The following PVT1 variants were observed in gnomAD, a reference collection of about 807,000 sequenced individuals.
The protein encoded by PVT1 is CXCR4/PVT1 fusion.
chr8:128,035,697 A>G (rs1813454105), intron 4 of PVT1, among the ~76,000 whole-genome samples: 1 of 152,160 alleles, frequency 6.6e-6, no homozygotes, highest in Non-Finnish European at 1.5e-5. Flanking sequence ...GTGCTGAATT[A>G]CTCAGGTGGA....
chr8:127,884,468 T>C (rs1815502932), intron 2 of PVT1, among the ~76,000 whole-genome samples: 1 of 152,242 alleles, frequency 6.6e-6, no homozygotes, highest in African/African-American at 2.4e-5. Context: ...TGCACACATA[T>C]CTGTGCATTG....
rs533953309 is a variant in PVT1, at chr8:128,079,314, T to C, written n.1114+8953T>C. Among the ~76,000 whole-genome samples the C allele has an allele frequency of 6.6e-5, 10 of 152,340 alleles. No individual in the cohort carries two copies. In the East Asian group the frequency reaches 1.9e-3, roughly 29 times the overall value. Reference sequence around the variant, plus strand: ...GTATGTAAATTAATAGGCTGTTTATTTGAGCAGTTGTAGGCTTACAAAAAT... The same window carrying C: ...GTATGTAAATTAATAGGCTGTTTATCTGAGCAGTTGTAGGCTTACAAAAAT... On this transcript the variant is annotated intron_variant and non_coding_transcript_variant, in intron 5 of 10. Coordinates refer to ENST00000651587, the Ensembl canonical transcript of PVT1.
intron 3 of PVT1, among the ~76,000 whole-genome samples, chr8:127,959,226 G>A (rs566492879): frequency 6.6e-6 from 1 of 152,128 alleles, no homozygotes; most frequent in Non-Finnish European, 1.5e-5. Flanking sequence ...TCTTATCCAC[G>A]CATTTAGTGG....
chr8:128,005,328 C>T (rs188302426), intron 4 of PVT1, among the ~76,000 whole-genome samples: 9 of 152,318 alleles, frequency 5.9e-5, no homozygotes, highest in Non-Finnish European at 7.3e-5. Context: ...AATTCTTCTT[C>T]TTCCAATGTG....
intron 3 of PVT1, among the ~76,000 whole-genome samples, chr8:127,929,369 G>A (rs952823001): frequency 1.5e-4 from 23 of 151,914 alleles, no homozygotes; most frequent in African/African-American, 5.1e-4. Flanking sequence ...AAAATGATTG[G>A]GTGTGGGTTG....
chr8:128,020,399 GAA>G (rs2130052620), intron 4 of PVT1, among the ~76,000 whole-genome samples: 1 of 152,324 alleles, frequency 6.6e-6, no homozygotes, highest in South Asian at 2.1e-4. Context: ...CTGTGATCAA[GAA>G]AATGCCATGA....
intron 4 of PVT1, among the ~76,000 whole-genome samples, chr8:127,997,138 T>C (rs1378888755): frequency 1.4e-5 from 2 of 145,318 alleles, no homozygotes; most frequent in Non-Finnish European, 3.0e-5. Context: ...CACCACAAGC[T>C]CTGCCTCCCG....
chr8:127,853,152 C>T (rs1331260281), intron 2 of PVT1, among the ~76,000 whole-genome samples: 2 of 152,144 alleles, frequency 1.3e-5, no homozygotes, highest in East Asian at 1.9e-4. Flanking sequence ...AGTGAGGAGA[C>T]AAGATATAGC....
chr8:127,941,545 G>A (rs980473342), intron 3 of PVT1, among the ~76,000 whole-genome samples: 1 of 152,138 alleles, frequency 6.6e-6, no homozygotes, highest in East Asian at 1.9e-4. Flanking sequence ...ACCTATAAAA[G>A]GTCAACTTAA....
intron 5 of PVT1, among the ~76,000 whole-genome samples, chr8:128,094,648 T>A (rs1814402730): frequency 1.3e-5 from 2 of 152,226 alleles, no homozygotes; most frequent in Non-Finnish European, 2.9e-5. Flanking sequence ...AATGTTAAAG[T>A]GCTTGATATC....
At chr8:127,930,646 C>T (rs941151202) in intron 3 of PVT1, among the ~76,000 whole-genome samples, 5 of 152,106 alleles carry the variant, frequency 3.3e-5, no homozygotes, top group East Asian at 1.9e-4. Context: ...GTAGGGGCCC[C>T]AGCAGGGTGT....
intron 2 of PVT1, among the ~76,000 whole-genome samples, chr8:127,868,814 T>TATACGTATATATATGTATATAC: frequency 7.3e-6 from 1 of 136,192 alleles, no homozygotes; most frequent in African/African-American, 2.6e-5. Context: ...TACATATATA[T>TATACGTATATATATGTATATAC]ATATATGTAT....
intron 4 of PVT1, among the ~76,000 whole-genome samples, chr8:128,025,105 AGG>A (rs1339562212): frequency 6.6e-6 from 1 of 152,216 alleles, no homozygotes; most frequent in Non-Finnish European, 1.5e-5. Context: ...GCCAGCTCAG[AGG>A]GTGGGAGCGG....
intron 4 of PVT1, among the ~76,000 whole-genome samples, chr8:128,021,518 C>T (rs556905877): frequency 6.6e-6 from 1 of 152,156 alleles, no homozygotes; most frequent in South Asian, 2.1e-4. Context: ...TGGTCTTGAT[C>T]TCCTGACTTC....
At chr8:128,011,961 A>T (rs1352762211) in intron 4 of PVT1, among the ~76,000 whole-genome samples, 1 of 152,180 alleles carries the variant, frequency 6.6e-6, no homozygotes, top group Non-Finnish European at 1.5e-5. Flanking sequence ...GGCTGAAAGG[A>T]TCCAAGCATT....
At chr8:128,085,561 G>A (rs987789249) in intron 5 of PVT1, among the ~76,000 whole-genome samples, 2 of 152,072 alleles carry the variant, frequency 1.3e-5, no homozygotes, top group African/African-American at 4.8e-5. Context: ...ATATTGATGT[G>A]GTTGTTGTTT....
At chr8:127,799,936 CAG>C (rs1814443124) in intron 2 of PVT1, among the ~76,000 whole-genome samples, 1 of 152,198 alleles carries the variant, frequency 6.6e-6, no homozygotes, top group South Asian at 2.1e-4. Flanking sequence ...AAGTTAGAAA[CAG>C]ATGAGAAAGT....
chr8:127,829,903 C>A (rs918743510), intron 2 of PVT1, among the ~76,000 whole-genome samples: 2 of 152,198 alleles, frequency 1.3e-5, no homozygotes, highest in Admixed American at 1.3e-4. Context: ...AAAATAATCT[C>A]TTCTTGCCTC....
intron 2 of PVT1, among the ~76,000 whole-genome samples, chr8:127,843,181 C>T (rs1481201452): frequency 6.6e-6 from 1 of 152,086 alleles, no homozygotes; most frequent in Non-Finnish European, 1.5e-5. Flanking sequence ...CATGGCAAAA[C>T]CCCATTTCTA....
Sources: gnomAD v4.1 joint callset for allele counts (sites outside exome capture counted in the v4.1 genomes callset) on GRCh38, gnomAD v4.1.1 for gene constraint, MANE v1.5 for transcripts, NCBI Gene and HGNC (gene_info 2026-07-23, HGNC 2026-07-21) for gene names.